The following TPSG1 variants were observed in gnomAD, a reference collection of about 807,000 sequenced individuals.
TPSG1 encodes the protein tryptase gamma 1, also known as tryptase gamma.
Under a neutral mutation model 23.8 loss-of-function variants are expected in TPSG1, and 43 were observed. The observed-to-expected ratio is 1.81, with a 90% CI of 1.42 to 2.33. The LOEUF (loss-of-function observed/expected upper bound fraction) is 2.33, where lower values mean the gene tolerates loss of function less well. Ranked by LOEUF, TPSG1 falls within the 30% of genes most tolerant of loss-of-function variation. The probability of loss-of-function intolerance (pLI) is 0.00; values close to 1 mark genes in which losing one functional copy is unlikely to be tolerated. For synonymous variants in TPSG1, 302 were observed against 201.3 expected (o/e 1.50, Z -4.23); for missense variants, 623 against 438.6 (o/e 1.42, Z -3.75).
Position 1,222,654 on chromosome 16 carries a change from C to T in TPSG1, c.509G>A (p.Gly170Glu), listed in dbSNP as rs769847442. The T allele has an allele frequency of 2.6e-6, 4 of 1,546,470 alleles. No individual in the cohort carries two copies. Among genetic ancestry groups the T allele is most frequent in the Admixed American group, 3.7e-5 (2 of 54,174 alleles). ...WVTGWGYTRE[G>E]EPLPPPYSLR... The stretch of plus-strand genomic sequence containing the variant: ...GCATCCCCACGGGGGCTCCTCACCT[C>T]CCTCCCGCGTATAGCCCCAGCCGGT... Residue 170 changes from glycine (G) to glutamate (E), a missense_variant and splice_region_variant, in exon 4 of 6, where the codon GGA becomes GAA. By Grantham distance (98) the Gly-to-Glu change is moderately conservative. Transcript: ENST00000234798.
chr16:1,224,815 C>A, intron 1 of TPSG1, 187 bp from the exon 2 acceptor site: 1 of 713,986 alleles, frequency 1.4e-6, no homozygotes, highest in East Asian at 2.7e-5. Context: ...GGACAAGCCA[C>A]AGGCCATAAA....
Position 1,222,331 on chromosome 16 carries a change from T to A in TPSG1, c.522A>T (p.Pro174=), listed in dbSNP as rs1596485499. The stretch of plus-strand genomic sequence containing the variant: ...TCACCTCCCGCAGGCTGTACGGGGG[T>A]GGCAGAGGCTCTGGGGTGGGGGGAA... ...WGYTREGEPL[P]PPYSLREVKV... The change falls in exon 5 of 6, where the codon CCA becomes CCT. Residue 174 remains proline (P), a synonymous_variant. Coordinates refer to ENST00000234798, the MANE Select transcript of TPSG1 (RefSeq NM_012467.4). The A allele has an allele frequency of 6.3e-7, 1 of 1,589,556 alleles. No individual in the cohort carries two copies. The highest frequency in any genetic ancestry group is 1.7e-5 in the Admixed American group (1 of 58,620).
In TPSG1 at chr16:1,222,012, G is replaced by T; in HGVS notation, c.742C>A (p.Arg248Ser). The T allele has an allele frequency of 6.2e-7, 1 of 1,612,432 alleles. No homozygotes were observed. The highest frequency in any genetic ancestry group is 8.5e-7 in the Non-Finnish European group (1 of 1,179,872). ...GTVSWGEGCG[R>S]PNRPGVYTRV... ...GTGTAGACTCCCGGCCTGTTGGGGC[G>T]GCCGCAGCCCTCACCCCAGCTCACA... Residue 248 changes from arginine (R) to serine (S), a missense_variant, in exon 6 of 6, where the codon CGC (arginine) becomes AGC (serine). Physicochemically the swap from Arg to Ser is moderately radical, Grantham distance 110. Coordinates refer to ENST00000234798, the MANE Select transcript of TPSG1 (RefSeq NM_012467.4).
intron 2 of TPSG1, among the ~76,000 whole-genome samples, chr16:1,224,365 A>G (rs1232117634): frequency 6.6e-6 from 1 of 152,124 alleles, no homozygotes; most frequent in Non-Finnish European, 1.5e-5. Flanking sequence ...AGGTTGTTTC[A>G]TGGCCTCAGA....
At position 1,223,861 on chromosome 16, in the gene TPSG1, G is replaced by A. The variant is rs1040598387; in HGVS notation, c.74-267C>T. 35 of 505,140 alleles carry A rather than the reference G, an allele frequency of 6.9e-5. 2 individuals carry two copies. The highest frequency in any genetic ancestry group is 2.7e-4 in the South Asian group (10 of 37,182). 31.3% of individuals were successfully genotyped at this position (505,140 alleles called of 1,614,324 possible). On this transcript the variant is annotated intron_variant, in intron 2 of 5. Coordinates refer to ENST00000234798, the MANE Select transcript of TPSG1 (RefSeq NM_012467.4). ...GGCTCCCGGAGGCGGTGGAAAGGCT[G>A]CAGAGGGCCCCTAGGCGGCTAGAAA...
chr16:1,222,572 G>A lies in TPSG1; in HGVS notation c.511+80C>T, dbSNP rs982083356. 4.7e-6 allele frequency: 7 copies of A among 1,496,698 alleles called. No individual in the cohort carries two copies. The South Asian group carries it at 6.7e-5, about 14-fold the overall frequency. The allele number at this position is 1,496,698 out of a possible 1,614,324, so 92.7% of individuals were successfully genotyped here. A position where few individuals can be genotyped will look rare whatever the true frequency, so the allele number is the denominator to read the frequency against. On this transcript the variant is annotated intron_variant, in intron 4 of 5. Coordinates refer to ENST00000234798, the MANE Select transcript of TPSG1 (RefSeq NM_012467.4). ...TGGAAGCCACCAGGAGCAGGTGGTAGCATCAGCATCCCTCAAGCCAGCTCT... is the reference window on the plus strand; with the variant it reads ...TGGAAGCCACCAGGAGCAGGTGGTAACATCAGCATCCCTCAAGCCAGCTCT...
At chr16:1,224,772 T>G in intron 1 of TPSG1, 144 bp from the exon 2 acceptor site, 1 of 954,672 alleles carries the variant, frequency 1.0e-6, no homozygotes, top group Non-Finnish European at 1.6e-6. Flanking sequence ...TGAGGCTGGG[T>G]CAACTGCTGT....
intron 2 of TPSG1, chr16:1,223,808 T>A: frequency 3.5e-6 from 2 of 568,654 alleles, no homozygotes; most frequent in South Asian, 4.6e-5. Flanking sequence ...TCGTCCTTTC[T>A]AAGCACCATG....
intron 1 of TPSG1, chr16:1,224,840 C>A (rs990285893): frequency 1.6e-6 from 1 of 636,314 alleles, no homozygotes; most frequent in Non-Finnish European, 2.8e-6. Context: ...AGCTGGAGGC[C>A]GGGAGCTTGG....
chr16:1,222,291 C>T lies in TPSG1; in HGVS notation c.562G>A (p.Asp188Asn). The stretch of plus-strand genomic sequence containing the variant: ...TAGTCCCGGCGGCAGGTCTCTGTGT[C>T]CACCACGGAGACTTTCACCTCCCGC... ...SLREVKVSVVDTETCRRDYPG... is the reference protein window; with the variant it reads ...SLREVKVSVVNTETCRRDYPG... The change falls in exon 5 of 6, where the codon GAC (aspartate) becomes AAC (asparagine). Residue 188 changes from aspartate (D) to asparagine (N), a missense_variant. Asp to Asn is a conservative substitution (Grantham distance 23). Transcript: ENST00000234798. 1 of 1,611,270 alleles carries T rather than the reference C, an allele frequency of 6.2e-7. No homozygotes were observed. The highest frequency in any genetic ancestry group is 8.5e-7 in the Non-Finnish European group (1 of 1,179,352).
At chr16:1,223,764 G>A (rs764402808) in intron 2 of TPSG1, 170 bp from the exon 3 acceptor site, 12 of 785,456 alleles carry the variant, frequency 1.5e-5, no homozygotes, top group Middle Eastern at 6.3e-4. Context: ...CAGAAATGAC[G>A]TCTCAGGAGC....
chr16:1,224,668 CAAG>C, intron 1 of TPSG1, 40 bp from the exon 2 acceptor site: 1 of 1,613,262 alleles, frequency 6.2e-7, no homozygotes, highest in East Asian at 2.2e-5. Context: ...AGGGGGCTGC[CAAG>C]GAGAGGGGTG....
chr16:1,222,382 C>G (rs776542552), intron 4 of TPSG1, 41 bp from the exon 5 acceptor site: 5 of 1,536,998 alleles, frequency 3.3e-6, no homozygotes, highest in South Asian at 2.5e-5. Flanking sequence ...GTTGGGGCAC[C>G]AGGCCCTGCA....
chr16:1,223,982 C>T (rs12934797), intron 2 of TPSG1: 97,535 of 227,830 alleles, frequency 0.43, 22,649 homozygotes, highest in East Asian at 0.75. Flanking sequence ...TGGAGATATT[C>T]GAAGCTGGAT....
chr16:1,224,735 G>A (rs1427075059), intron 1 of TPSG1, 107 bp from the exon 2 acceptor site: 22 of 1,439,296 alleles, frequency 1.5e-5, no homozygotes, highest in Non-Finnish European at 2.1e-5. Flanking sequence ...GGTGGGGCCT[G>A]GTCCTGAGCA....
intron 1 of TPSG1, among the ~76,000 whole-genome samples, chr16:1,224,938 C>A (rs1418011793): frequency 6.6e-6 from 1 of 151,982 alleles, no homozygotes; most frequent in Non-Finnish European, 1.5e-5. Flanking sequence ...CCTGGCACCC[C>A]CAACTCCCAC....
chr16:1,225,073 G>A (rs1448054858), intron 1 of TPSG1, 134 bp downstream of exon 1: 2 of 1,025,332 alleles, frequency 2.0e-6, no homozygotes, highest in Non-Finnish European at 2.9e-6. Flanking sequence ...CTCTTCAGAG[G>A]AGACACGGGG....
intron 2 of TPSG1, 115 bp downstream of exon 2, chr16:1,224,487 A>T: frequency 7.1e-7 from 1 of 1,410,042 alleles, no homozygotes; most frequent in Non-Finnish European, 9.8e-7. Context: ...ACGGCGACAA[A>T]CTATGACCTC....
At chr16:1,224,493 A>T in intron 2 of TPSG1, 109 bp downstream of exon 2, 1 of 1,431,394 alleles carries the variant, frequency 7.0e-7, no homozygotes. Context: ...ACAAACTATG[A>T]CCTCCCCGGG....
Sources: gnomAD v4.1 joint callset for allele counts (sites outside exome capture counted in the v4.1 genomes callset) on GRCh38, gnomAD v4.1.1 for gene constraint, MANE v1.5 for transcripts, NCBI Gene and HGNC (gene_info 2026-07-23, HGNC 2026-07-21) for gene names.